DDX60L: variants seen among roughly 807,000 people sequenced by gnomAD.
DDX60L encodes probable ATP-dependent RNA helicase DDX60-like.
DDX60L carries 191 observed loss-of-function variants against 211.6 expected under a neutral mutation model. That is an observed-to-expected ratio of 0.90 (90% CI 0.80 to 1.02). DDX60L has a LOEUF of 1.02. DDX60L is among the 50% of genes least tolerant of loss of function. The pLI is 0.00. For synonymous variants in DDX60L, 706 were observed against 694.1 expected (o/e 1.02, Z -0.27); for missense variants, 2,007 against 1,984.1 (o/e 1.01, Z -0.22).
intron 8 of DDX60L, among the ~76,000 whole-genome samples, chr4:168,449,331 T>C (rs1201470475): frequency 6.6e-6 from 1 of 150,558 alleles, no homozygotes; most frequent in Non-Finnish European, 1.5e-5. Context: ...TGGATGAAAT[T>C]GGAAACCATC....
At chr4:168,462,292 T>C (rs903118356) in intron 4 of DDX60L, among the ~76,000 whole-genome samples, 1 of 152,202 alleles carries the variant, frequency 6.6e-6, no homozygotes, top group African/African-American at 2.4e-5. Context: ...CTATCTATGT[T>C]CAAATAGGGA....
Position 168,430,617 on chromosome 4 carries a change from A to C in DDX60L, c.1538T>G (p.Val513Gly). 1.9e-6 allele frequency: 3 copies of C among 1,567,488 alleles called. No individual in the cohort carries two copies. The highest frequency in any genetic ancestry group is 2.6e-6 in the Non-Finnish European group (3 of 1,156,032). The change falls in exon 13 of 38, where the codon GTT becomes GGT. Residue 513 changes from valine to glycine, a missense_variant. By Grantham distance (109) the Val-to-Gly change is moderately radical. Transcript: ENST00000682922. ...CTGAATCTTTTTCAGGAAATCAAGA[A>C]CATGAGGATCTCTAGATTGTTCTGA... ...HVDEQSRDPH[V>G]LDFLKKIQDY...
At chr4:168,475,748 C>G (rs959945848) in intron 1 of DDX60L, among the ~76,000 whole-genome samples, 1 of 151,760 alleles carries the variant, frequency 6.6e-6, no homozygotes, top group Non-Finnish European at 1.5e-5. Context: ...AGCCCTAAAC[C>G]CCAGTGTGAT....
Position 168,472,789 on chromosome 4 carries a change from C to T in DDX60L, c.-90G>A. 2 of 1,439,656 alleles carry T rather than the reference C, an allele frequency of 1.4e-6. No homozygotes were observed. The highest frequency in any genetic ancestry group is 1.9e-6 in the Non-Finnish European group (2 of 1,039,516). The allele number at this position is 1,439,656 out of a possible 1,614,324, so 89.2% of individuals were successfully genotyped here. ...TATTTTGACACCTCTAAAATGGCTA[C>T]ATTTGATGTGAATGGCACCTCTGTA... is the stretch of plus-strand genomic sequence containing the variant. On this transcript the variant is annotated 5_prime_UTR_variant, in exon 2 of 38. It removes an upstream start codon present in the reference 5' UTR. Coordinates refer to ENST00000682922, the MANE Select transcript of DDX60L (RefSeq NM_001012967.3).
intron 9 of DDX60L, among the ~76,000 whole-genome samples, chr4:168,445,695 T>A (rs1754671268): frequency 6.6e-6 from 1 of 151,508 alleles, no homozygotes. Flanking sequence ...TCAAGTGGGC[T>A]TCATCCCTGG....
intron 13 of DDX60L, among the ~76,000 whole-genome samples, chr4:168,429,109 A>T (rs1274366750): frequency 1.3e-5 from 2 of 152,146 alleles, no homozygotes; most frequent in Non-Finnish European, 2.9e-5. Context: ...CCTCTATGTA[A>T]AAAGATTTTC....
At chr4:168,383,914 A>G (rs757732453) in intron 30 of DDX60L, among the ~76,000 whole-genome samples, 3 of 152,112 alleles carry the variant, frequency 2.0e-5, no homozygotes, top group Admixed American at 6.5e-5. Context: ...TTAACATTTG[A>G]CTCAGTGGGC....
chr4:168,465,676 G>C (rs550127234), intron 4 of DDX60L, among the ~76,000 whole-genome samples: 1 of 152,140 alleles, frequency 6.6e-6, no homozygotes, highest in Non-Finnish European at 1.5e-5. Flanking sequence ...TTTTAATATA[G>C]TGAAAGTGAG....
intron 28 of DDX60L, among the ~76,000 whole-genome samples, chr4:168,393,246 A>T (rs538211219): frequency 6.6e-6 from 1 of 152,328 alleles, no homozygotes; most frequent in African/African-American, 2.4e-5. Flanking sequence ...CTGTAATACC[A>T]GCATTTCGGG....
At chr4:168,365,455 C>A (rs1739808604) in intron 36 of DDX60L, among the ~76,000 whole-genome samples, 1 of 148,950 alleles carries the variant, frequency 6.7e-6, no homozygotes, top group Admixed American at 6.7e-5. Flanking sequence ...TACAACTTCC[C>A]AAAATTAAAT....
intron 32 of DDX60L, among the ~76,000 whole-genome samples, chr4:168,378,985 C>A (rs1301092675): frequency 1.3e-5 from 2 of 152,154 alleles, no homozygotes; most frequent in Non-Finnish European, 2.9e-5. Flanking sequence ...GACCTACTCT[C>A]CACTCCCCAT....
chr4:168,472,686 T>G lies in DDX60L; in HGVS notation c.4+10A>C. On this transcript the variant is annotated intron_variant, in intron 2 of 37. Coordinates refer to ENST00000682922, the MANE Select transcript of DDX60L (RefSeq NM_001012967.3). ...TTTATAGGCTACAAATATCAAAGATTGAGAATTACCCATCGTTGCTGCTTC... is the reference window on the plus strand; with the variant it reads ...TTTATAGGCTACAAATATCAAAGATGGAGAATTACCCATCGTTGCTGCTTC... 1 of 1,613,392 alleles carries G rather than the reference T, an allele frequency of 6.2e-7. No homozygotes were observed. Among genetic ancestry groups the G allele is most frequent in the Non-Finnish European group, 8.5e-7 (1 of 1,179,586 alleles).
At chr4:168,405,799 T>G (rs934932060) in intron 24 of DDX60L, 151 bp downstream of exon 24, 2 of 766,576 alleles carry the variant, frequency 2.6e-6, no homozygotes, top group Admixed American at 3.6e-5. Flanking sequence ...CTTTATTCTA[T>G]CTCATACTCA....
intron 28 of DDX60L, among the ~76,000 whole-genome samples, chr4:168,392,173 A>G (rs1156522974): frequency 6.6e-6 from 1 of 152,176 alleles, no homozygotes; most frequent in Non-Finnish European, 1.5e-5. Flanking sequence ...CTGGACAACC[A>G]CCTTCTCTTA....
intron 26 of DDX60L, among the ~76,000 whole-genome samples, chr4:168,400,051 G>C (rs1424690885): frequency 3.3e-5 from 5 of 152,026 alleles, no homozygotes; most frequent in African/African-American, 1.2e-4. Context: ...AGTGTGTGTT[G>C]TTCCCCTCTA....
chr4:168,389,668 G>T (rs1288137745), intron 29 of DDX60L, among the ~76,000 whole-genome samples: 4 of 152,110 alleles, frequency 2.6e-5, no homozygotes, highest in African/African-American at 9.7e-5. Flanking sequence ...TAATAACTTA[G>T]TTATTGAGTG....
rs1756061637 is a variant in DDX60L, at chr4:168,453,302, TGAG to T, written c.838-23_838-21del. The T allele has an allele frequency of 6.3e-7, 1 of 1,598,774 alleles. No homozygotes were observed. The highest frequency in any genetic ancestry group is 1.1e-5 in the South Asian group (1 of 88,356). On this transcript the variant is annotated intron_variant, in intron 7 of 37. Transcript: ENST00000682922. Reference sequence around the variant, plus strand: ...GTGCACCTGCGTACAATAAAGAAGATGAGAACAGTCACAATGTCACGCTGTGAA... The same window carrying T: ...GTGCACCTGCGTACAATAAAGAAGATAACAGTCACAATGTCACGCTGTGAA...
Position 168,375,464 on chromosome 4 carries a change from C to T in DDX60L, c.4546G>A (p.Val1516Ile). ...AGGAAGGAGGCAAAATCCTTCATTACTGCCAGGTTATACTCATATAAAGCA... is the reference window on the plus strand; with the variant it reads ...AGGAAGGAGGCAAAATCCTTCATTATTGCCAGGTTATACTCATATAAAGCA... ...KAALYEYNLA[V>I]MKDFASFLLI... The change falls in exon 34 of 38, where the codon GTA becomes ATA. Residue 1516 changes from valine (V) to isoleucine (I), a missense_variant. Coordinates refer to ENST00000682922, the MANE Select transcript of DDX60L (RefSeq NM_001012967.3). 1.2e-6 allele frequency: 2 copies of T among 1,613,036 alleles called. No homozygotes were observed. The highest frequency in any genetic ancestry group is 1.7e-4 in the Middle Eastern group (1 of 6,056).
chr4:168,363,672 G>A (rs75405703), intron 36 of DDX60L, among the ~76,000 whole-genome samples: 7,066 of 152,064 alleles, frequency 0.046, 217 homozygotes, highest in Non-Finnish European at 0.07. Context: ...GTTAGCACAT[G>A]ATAACCACAA....
Sources: allele counts gnomAD v4.1 joint callset (sites outside exome capture counted in the v4.1 genomes callset), GRCh38; gene constraint gnomAD v4.1.1; transcripts MANE v1.5; gene names NCBI Gene and HGNC (gene_info 2026-07-23, HGNC 2026-07-21).